Variants in ZNF600 observed in about 807,000 individuals in gnomAD.
The protein encoded by ZNF600 is zinc finger protein KR-ZNF1.
Under a neutral mutation model 7.3 loss-of-function variants are expected in ZNF600, and 4 were observed. The ratio of observed to expected loss-of-function variants is 0.55; its 90% CI spans 0.27 to 1.25. The LOEUF (loss-of-function observed/expected upper bound fraction) is 1.25. Ranked by LOEUF, ZNF600 falls within the 50% of genes most tolerant of loss-of-function variation. ZNF600 has a pLI of 0.12. For missense variants in ZNF600, 911 were observed against 922.1 expected (o/e 0.99, Z 0.16); for synonymous variants, 290 against 308.9 (o/e 0.94, Z 0.64).
chr19:52,788,051 T>C (rs1281611725), upstream of ZNF600, among the ~76,000 whole-genome samples: 2 of 152,142 alleles, frequency 1.3e-5, no homozygotes, highest in Non-Finnish European at 2.9e-5. Flanking sequence ...CAATCCCTGC[T>C]GCCCAATATC....
chr19:52,798,924 C>T, the ZNF600 span: 3 of 1,436,096 alleles, frequency 2.1e-6, no homozygotes, highest in Non-Finnish European at 2.8e-6. Flanking sequence ...TTGCCACACT[C>T]ATTGCACTTG....
At chr19:52,777,163 A>G (rs1568631528) in intron 2 of ZNF600, among the ~76,000 whole-genome samples, 2 of 151,946 alleles carry the variant, frequency 1.3e-5, no homozygotes, top group Non-Finnish European at 2.9e-5. Context: ...GATGAATCAC[A>G]AGGTCAGGAG....
At chr19:52,803,061 G>A in the ZNF600 span, among the ~76,000 whole-genome samples, 1 of 151,148 alleles carries the variant, frequency 6.6e-6, no homozygotes, top group Admixed American at 6.6e-5. Context: ...GCACACGGCC[G>A]ACTTTTAAAA....
chr19:52,765,354 G>A (rs936264931), exon 4 of ZNF600: 2 of 759,246 alleles, frequency 2.6e-6, no homozygotes, highest in Non-Finnish European at 4.8e-6. Flanking sequence ...TTTCTCTCCT[G>A]TATGAATTCT....
At chr19:52,807,318 A>T in the ZNF600 span, among the ~76,000 whole-genome samples, 19 of 152,304 alleles carry the variant, frequency 1.2e-4, no homozygotes, top group Non-Finnish European at 2.8e-4. Context: ...AAAATATTTC[A>T]CAAATTCCTC....
the ZNF600 span, chr19:52,799,042 TCTC>T: frequency 3.6e-6 from 2 of 555,802 alleles, no homozygotes; most frequent in Non-Finnish European, 6.2e-6. Context: ...CAGTATGAAT[TCTC>T]CTGTCTTTCA....
At chr19:52,787,878 GA>G (rs1568638511), upstream of ZNF600, among the ~76,000 whole-genome samples, 1 of 104,462 alleles carries the variant, frequency 9.6e-6, no homozygotes, top group African/African-American at 3.8e-5. Flanking sequence ...AAAAGAAAAA[GA>G]AAAAGAAAAA....
At chr19:52,805,642 A>ACT in the ZNF600 span, 1 of 139,042 alleles carries the variant, frequency 7.2e-6, no homozygotes, top group Non-Finnish European at 1.5e-5. Flanking sequence ...TAATAATAAT[A>ACT]AAAATAAATA....
At chr19:52,832,318 G>A in the ZNF600 span, among the ~76,000 whole-genome samples, 9 of 152,066 alleles carry the variant, frequency 5.9e-5, no homozygotes, top group South Asian at 2.1e-4. Context: ...GAGACAGGCC[G>A]GGCACGGTGG....
chr19:52,804,442 C>A, the ZNF600 span, among the ~76,000 whole-genome samples: 3 of 152,222 alleles, frequency 2.0e-5, no homozygotes, highest in Middle Eastern at 3.4e-3. Context: ...GTGATCTTGG[C>A]GCACTGCAAC....
chr19:52,790,580 C>T (rs549266470), upstream of ZNF600, among the ~76,000 whole-genome samples: 6 of 151,896 alleles, frequency 4.0e-5, no homozygotes, highest in African/African-American at 9.7e-5. Context: ...AGTCTAAAGT[C>T]GGAATTACTT....
the ZNF600 span, chr19:52,810,024 G>A: frequency 8.0e-6 from 6 of 746,300 alleles, no homozygotes; most frequent in Non-Finnish European, 1.4e-5. Flanking sequence ...GCCGGAGCCC[G>A]AAGAGGAGCC....
intron 1 of ZNF600, among the ~76,000 whole-genome samples, chr19:52,782,852 A>C (rs2062733931): frequency 6.6e-6 from 1 of 152,136 alleles, no homozygotes; most frequent in Admixed American, 6.6e-5. Context: ...TCCAGCCTGC[A>C]TGACAGAGAA....
upstream of ZNF600, among the ~76,000 whole-genome samples, chr19:52,787,219 G>A (rs1205403148): frequency 3.9e-5 from 6 of 152,084 alleles, no homozygotes; most frequent in Admixed American, 6.6e-5. Context: ...GGAGGAGTGA[G>A]GTCACCACCT....
chr19:52,778,205 G>T (rs778206567), intron 2 of ZNF600, among the ~76,000 whole-genome samples: 1 of 151,924 alleles, frequency 6.6e-6, no homozygotes, highest in Non-Finnish European at 1.5e-5. Flanking sequence ...GTAGAGGTGG[G>T]GTTTCACCAT....
chr19:52,814,928 G>A, the ZNF600 span, among the ~76,000 whole-genome samples: 2 of 145,682 alleles, frequency 1.4e-5, no homozygotes, highest in African/African-American at 5.4e-5. Context: ...CTCAAAGTAC[G>A]AAAATCTTTT....
chr19:52,771,298 T>C (rs1366932379), intron 3 of ZNF600, among the ~76,000 whole-genome samples: 1 of 152,162 alleles, frequency 6.6e-6, no homozygotes, highest in Non-Finnish European at 1.5e-5. Flanking sequence ...ATTTTCCAGA[T>C]TCATGAGAAA....
the ZNF600 span, among the ~76,000 whole-genome samples, chr19:52,822,462 G>A: frequency 3.9e-5 from 6 of 152,126 alleles, no homozygotes; most frequent in Non-Finnish European, 7.3e-5. Flanking sequence ...TCATCTTCAT[G>A]ACAAAACAGG....
the ZNF600 span, among the ~76,000 whole-genome samples, chr19:52,801,989 G>T: frequency 0.089 from 13,473 of 152,072 alleles, 1,062 homozygotes; most frequent in South Asian, 0.19. Context: ...TGACCCTAAA[G>T]TGTATCACAC....
Sources: gnomAD v4.1 joint callset for allele counts (sites outside exome capture counted in the v4.1 genomes callset) on GRCh38, gnomAD v4.1.1 for gene constraint, MANE v1.5 for transcripts, NCBI Gene and HGNC (gene_info 2026-07-23, HGNC 2026-07-21) for gene names.